Variants in CAMTA1 observed in about 807,000 individuals in gnomAD.
CAMTA1 encodes calmodulin-binding transcription activator 1.
A neutral mutation model predicts 170.9 loss-of-function variants in CAMTA1; 27 were observed. The ratio of observed to expected loss-of-function variants is 0.16; its 90% confidence interval spans 0.12 to 0.22. The LOEUF (loss-of-function observed/expected upper bound fraction) is 0.22. Ranked by LOEUF, CAMTA1 falls within the 10% of genes least tolerant of loss-of-function variation. The pLI, the probability that CAMTA1 is intolerant of heterozygous loss-of-function variation, is 1.00. For synonymous variants in CAMTA1, 833 were observed against 891.5 expected (o/e 0.93, Z 1.17); for missense variants, 1,619 against 2,217.2 (o/e 0.73, Z 5.42).
At chr1:7,705,664 T>C (rs1577057067) in intron 11 of CAMTA1, among the ~76,000 whole-genome samples, 1 of 151,986 alleles carries the variant, frequency 6.6e-6, no homozygotes, top group South Asian at 2.1e-4. Context: ...GAGCTCCCGG[T>C]TTCCCTGGGC....
chr1:7,752,671 C>A lies in CAMTA1; in HGVS notation c.4958+138C>A, dbSNP rs193185531. On this transcript the variant is annotated intron_variant, in intron 21 of 22. Transcript: ENST00000303635. ...GCAGACGTCCCAAATTACAATAGGGCGGTAGAGCTCTTTAACTAGGGATCA... is the reference window on the plus strand; with the variant it reads ...GCAGACGTCCCAAATTACAATAGGGAGGTAGAGCTCTTTAACTAGGGATCA... 3 of 633,070 alleles carry A rather than the reference C, an allele frequency of 4.7e-6. No individual in the cohort carries two copies. The East Asian group carries it at 9.1e-5, about 19-fold the overall frequency. The allele number at this position is 633,070 out of a possible 1,614,324, so 39.2% of individuals were successfully genotyped here.
intron 5 of CAMTA1, among the ~76,000 whole-genome samples, chr1:7,432,519 G>A (rs901252278): frequency 6.6e-5 from 10 of 152,316 alleles, no homozygotes; most frequent in Admixed American, 3.3e-4. Flanking sequence ...AGGTGGCTGC[G>A]TGGCATGAGA....
chr1:6,884,335 C>CACAAAA (rs776481131), intron 3 of CAMTA1, among the ~76,000 whole-genome samples: 1 of 143,924 alleles, frequency 6.9e-6, no homozygotes, highest in Non-Finnish European at 1.5e-5. Flanking sequence ...CACACACACA[C>CACAAAA]AATTTTGTTT....
At chr1:7,125,113 CAGGA>C (rs1315002706) in intron 4 of CAMTA1, among the ~76,000 whole-genome samples, 1 of 151,610 alleles carries the variant, frequency 6.6e-6, no homozygotes, top group East Asian at 1.9e-4. Flanking sequence ...AGTAGAGTTC[CAGGA>C]AGCAACGCCT....
At chr1:6,803,116 G>T (rs1644079255) in intron 1 of CAMTA1, among the ~76,000 whole-genome samples, 1 of 152,170 alleles carries the variant, frequency 6.6e-6, no homozygotes, top group South Asian at 2.1e-4. Flanking sequence ...TGCGGTCTTT[G>T]CCCTGTGGGT....
chr1:6,983,634 C>T (rs566086622), intron 3 of CAMTA1, among the ~76,000 whole-genome samples: 3 of 152,112 alleles, frequency 2.0e-5, no homozygotes, highest in Non-Finnish European at 4.4e-5. Context: ...CTTCAGTAGC[C>T]CAGTAGCTGG....
chr1:7,120,061 G>A (rs1334881352), intron 4 of CAMTA1, among the ~76,000 whole-genome samples: 3 of 152,156 alleles, frequency 2.0e-5, no homozygotes, highest in African/African-American at 7.2e-5. Flanking sequence ...CCGAGGCTGA[G>A]TAACTGGCTC....
intron 4 of CAMTA1, among the ~76,000 whole-genome samples, chr1:7,130,644 T>G (rs1461005960): frequency 6.6e-6 from 1 of 152,222 alleles, no homozygotes; most frequent in East Asian, 1.9e-4. Context: ...TATTTACTTA[T>G]TTAAAAATTT....
chr1:7,368,492 C>A (rs1376203062), intron 5 of CAMTA1, among the ~76,000 whole-genome samples: 1 of 152,208 alleles, frequency 6.6e-6, no homozygotes. Flanking sequence ...AGATACCTAG[C>A]ACACAAAGCA....
At chr1:7,752,762 C>T (rs1250516669) in intron 21 of CAMTA1, among the ~76,000 whole-genome samples, 1 of 152,158 alleles carries the variant, frequency 6.6e-6, no homozygotes, top group Non-Finnish European at 1.5e-5. Flanking sequence ...GAGATTCATG[C>T]CCGTGTTTTT....
At chr1:7,542,141 GT>G (rs1482435321) in intron 6 of CAMTA1, among the ~76,000 whole-genome samples, 2 of 152,012 alleles carry the variant, frequency 1.3e-5, no homozygotes, top group Non-Finnish European at 2.9e-5. Flanking sequence ...AAAATTAGGC[GT>G]ACTCATAGTA....
chr1:7,582,055 A>C (rs778462429), intron 6 of CAMTA1, among the ~76,000 whole-genome samples: 16 of 152,162 alleles, frequency 1.1e-4, no homozygotes, highest in Non-Finnish European at 1.8e-4. Context: ...GGAGGACAGA[A>C]GGCAGCATTT....
At chr1:6,814,178 C>T (rs1207145454) in intron 1 of CAMTA1, among the ~76,000 whole-genome samples, 1 of 152,046 alleles carries the variant, frequency 6.6e-6, no homozygotes, top group African/African-American at 2.4e-5. Flanking sequence ...CCCGAATGGC[C>T]TTAGGGATTG....
intron 3 of CAMTA1, among the ~76,000 whole-genome samples, chr1:6,915,855 A>C (rs1016204225): frequency 6.6e-6 from 1 of 152,180 alleles, no homozygotes; most frequent in African/African-American, 2.4e-5. Flanking sequence ...GACTTCTCCA[A>C]GACCGTCTAT....
intron 2 of CAMTA1, among the ~76,000 whole-genome samples, chr1:6,821,112 C>CT (rs1553155040): frequency 3.2e-4 from 48 of 152,252 alleles, no homozygotes; most frequent in African/African-American, 1.1e-3. Flanking sequence ...TCACACAACT[C>CT]TAAGAACAAG....
chr1:6,859,072 C>A (rs1663635946), intron 3 of CAMTA1, among the ~76,000 whole-genome samples: 1 of 152,108 alleles, frequency 6.6e-6, no homozygotes, highest in South Asian at 2.1e-4. Context: ...TTGAAAAATT[C>A]TAATAACAGG....
At chr1:7,013,332 T>G (rs1473678861) in intron 3 of CAMTA1, among the ~76,000 whole-genome samples, 1 of 150,722 alleles carries the variant, frequency 6.6e-6, no homozygotes, top group Non-Finnish European at 1.5e-5. Context: ...TCTCATGCCT[T>G]AGCCTCCTGA....
chr1:7,484,101 A>T (rs951204149), intron 6 of CAMTA1, among the ~76,000 whole-genome samples: 1 of 152,186 alleles, frequency 6.6e-6, no homozygotes, highest in African/African-American at 2.4e-5. Context: ...CAAGAGACAT[A>T]AAACACAGCC....
At chr1:7,091,605 C>T (rs12070592) in intron 4 of CAMTA1, among the ~76,000 whole-genome samples, 21,503 of 152,138 alleles carry the variant, frequency 0.14, 1,621 homozygotes, top group East Asian at 0.26. Context: ...TTTAACCTGA[C>T]GGCTGCATCC....
Sources: gnomAD v4.1 joint callset for allele counts (sites outside exome capture counted in the v4.1 genomes callset) on GRCh38, gnomAD v4.1.1 for gene constraint, MANE v1.5 for transcripts, NCBI Gene and HGNC (gene_info 2026-07-23, HGNC 2026-07-21) for gene names.